Variants in MIS18A observed in about 807,000 individuals in gnomAD.
MIS18A encodes the protein protein Mis18-alpha.
Under a neutral mutation model 25.0 loss-of-function variants are expected in MIS18A, and 14 were observed. The ratio of observed to expected loss-of-function variants is 0.56; its 90% CI spans 0.37 to 0.88. The LOEUF is 0.88. Ranked by LOEUF, MIS18A falls within the 40% of genes least tolerant of loss-of-function variation. The pLI, the probability that MIS18A is intolerant of heterozygous loss-of-function variation, is 0.00. For missense variants in MIS18A, 292 were observed against 290.8 expected (o/e 1.00, Z -0.03); for synonymous variants, 134 against 118.6 (o/e 1.13, Z -0.84).
At chr21:32,185,424 G>A in the MIS18A span, among the ~76,000 whole-genome samples, 3 of 152,146 alleles carry the variant, frequency 2.0e-5, no homozygotes, top group African/African-American at 4.8e-5. Context: ...GGAGGCCTGT[G>A]GTGCTCCCAT....
At chr21:32,265,253 C>A (rs1414404531), downstream of MIS18A, among the ~76,000 whole-genome samples, 4 of 152,214 alleles carry the variant, frequency 2.6e-5, no homozygotes, top group Non-Finnish European at 5.9e-5. Flanking sequence ...CCTTCAGCCC[C>A]CCACTGCACT....
chr21:32,228,277 C>T, the MIS18A span, among the ~76,000 whole-genome samples: 3 of 152,002 alleles, frequency 2.0e-5, no homozygotes, highest in South Asian at 2.1e-4. Flanking sequence ...TTAGTTGAGA[C>T]GGGGTTTCAC....
the MIS18A span, among the ~76,000 whole-genome samples, chr21:32,167,129 T>G: frequency 6.6e-6 from 1 of 152,234 alleles, no homozygotes; most frequent in East Asian, 1.9e-4. Context: ...AGTCTTGACT[T>G]TTCTCAATCC....
At chr21:32,215,486 G>A in the MIS18A span, among the ~76,000 whole-genome samples, 1 of 152,094 alleles carries the variant, frequency 6.6e-6, no homozygotes. Context: ...AGGAACGCGA[G>A]GTAAGTGCTT....
rs191982874 is a variant in MIS18A at position 32,270,920 on chromosome 21, A to G, written c.402-391T>C. On this transcript the variant is annotated intron_variant, in intron 2 of 4. Coordinates refer to ENST00000290130, the MANE Select transcript of MIS18A (RefSeq NM_018944.3). ...ACGGAAGCACCTATAGACAATACTAACTGAATAACCTGTGTTCCAATAAAC... is the reference window on the plus strand; with the variant it reads ...ACGGAAGCACCTATAGACAATACTAGCTGAATAACCTGTGTTCCAATAAAC... 6.1e-3 allele frequency among the ~76,000 whole-genome samples: 931 copies of G among 152,314 alleles called. 10 individuals carry two copies. The highest frequency in any genetic ancestry group is 0.022 in the African/African-American group (897 of 41,572).
At chr21:32,164,431 A>C in the MIS18A span, among the ~76,000 whole-genome samples, 4 of 152,162 alleles carry the variant, frequency 2.6e-5, no homozygotes, top group Non-Finnish European at 5.9e-5. Flanking sequence ...ATACTTTATT[A>C]GTTTCTGTAA....
the MIS18A span, among the ~76,000 whole-genome samples, chr21:32,208,459 C>T: frequency 6.6e-6 from 1 of 152,110 alleles, no homozygotes; most frequent in Non-Finnish European, 1.5e-5. Context: ...GGTGCCTGCT[C>T]CCCCTTCACC....
At chr21:32,161,645 C>T in the MIS18A span, among the ~76,000 whole-genome samples, 141 of 150,324 alleles carry the variant, frequency 9.4e-4, 1 homozygote, top group Middle Eastern at 3.4e-3. Context: ...GTGCCTGCCA[C>T]CACACCCGGC....
chr21:32,217,679 T>C, the MIS18A span, among the ~76,000 whole-genome samples: 29 of 152,098 alleles, frequency 1.9e-4, no homozygotes, highest in Admixed American at 1.9e-3. Context: ...ATGATCCAAC[T>C]GTCAAAAGAT....
chr21:32,221,642 G>T, the MIS18A span, among the ~76,000 whole-genome samples: 3 of 151,662 alleles, frequency 2.0e-5, no homozygotes, highest in Non-Finnish European at 4.4e-5. Flanking sequence ...CATTTTGGGA[G>T]GCCGAGGCGG....
the MIS18A span, among the ~76,000 whole-genome samples, chr21:32,224,589 T>A: frequency 2.7e-5 from 4 of 149,112 alleles, no homozygotes; most frequent in Admixed American, 6.7e-5. Flanking sequence ...AAGGACCTCT[T>A]CAAGGAGAAC....
At chr21:32,253,324 G>T in the MIS18A span, among the ~76,000 whole-genome samples, 1 of 152,200 alleles carries the variant, frequency 6.6e-6, no homozygotes, top group Admixed American at 6.5e-5. Flanking sequence ...GCAGTTTCCA[G>T]CTGAGGATTG....
intron 1 of MIS18A, among the ~76,000 whole-genome samples, chr21:32,277,003 C>A (rs1044875518): frequency 6.6e-6 from 1 of 151,970 alleles, no homozygotes; most frequent in African/African-American, 2.4e-5. Flanking sequence ...GCTGTTATAG[C>A]TACAGAACAG....
At chr21:32,251,077 G>C in the MIS18A span, among the ~76,000 whole-genome samples, 1 of 152,140 alleles carries the variant, frequency 6.6e-6, no homozygotes, top group Non-Finnish European at 1.5e-5. Context: ...AGAAGGACCT[G>C]TTTGCTTCCC....
intron 4 of MIS18A, 110 bp from the exon 5 acceptor site, chr21:32,269,227 C>T: frequency 2.5e-6 from 2 of 785,248 alleles, no homozygotes; most frequent in South Asian, 4.4e-5. Flanking sequence ...ATATGTCATA[C>T]ATTACAAGGT....
chr21:32,223,077 A>G, the MIS18A span, among the ~76,000 whole-genome samples: 7 of 152,174 alleles, frequency 4.6e-5, no homozygotes, highest in African/African-American at 1.7e-4. Flanking sequence ...TTTGAAATCA[A>G]TGAGAACCAA....
At chr21:32,265,138 C>G (rs2031569457), downstream of MIS18A, among the ~76,000 whole-genome samples, 1 of 152,316 alleles carries the variant, frequency 6.6e-6, no homozygotes, top group South Asian at 2.1e-4. Flanking sequence ...CCTGGGACAT[C>G]CGCCTCCTGC....
the MIS18A span, among the ~76,000 whole-genome samples, chr21:32,245,664 C>T: frequency 6.6e-6 from 1 of 152,150 alleles, no homozygotes; most frequent in Non-Finnish European, 1.5e-5. Flanking sequence ...GTGAGCCCAC[C>T]CTCTGTCCTT....
downstream of MIS18A, among the ~76,000 whole-genome samples, chr21:32,264,805 T>C (rs2031562837): frequency 6.6e-6 from 1 of 152,184 alleles, no homozygotes; most frequent in Non-Finnish European, 1.5e-5. Flanking sequence ...CATGCTTGAC[T>C]AGAATCATCC....
Sources: gnomAD v4.1 joint callset for allele counts (sites outside exome capture counted in the v4.1 genomes callset) on GRCh38, gnomAD v4.1.1 for gene constraint, MANE v1.5 for transcripts, NCBI Gene and HGNC (gene_info 2026-07-23, HGNC 2026-07-21) for gene names.